The following STK3 variants were observed in gnomAD, a reference collection of about 807,000 sequenced individuals.
STK3 encodes serine/threonine-protein kinase 3.
In STK3, 41 loss-of-function variants were observed where a neutral mutation model predicts 58.0. The observed-to-expected ratio is 0.71, with a 90% CI of 0.55 to 0.92. The LOEUF (loss-of-function observed/expected upper bound fraction) is 0.92. Ranked by LOEUF, STK3 falls within the 40% of genes least tolerant of loss-of-function variation. STK3 has a pLI of 0.00. For synonymous variants in STK3, 170 were observed against 191.0 expected (o/e 0.89, Z 0.91); for missense variants, 479 against 602.7 (o/e 0.79, Z 2.15).
At chr8:98,639,908 C>T (rs535813041) in intron 6 of STK3, among the ~76,000 whole-genome samples, 36 of 152,180 alleles carry the variant, frequency 2.4e-4, no homozygotes, top group Non-Finnish European at 4.3e-4. Context: ...GTCAGGAGTT[C>T]AAGACTAGCC....
chr8:98,699,803 G>A (rs28812202), intron 6 of STK3, among the ~76,000 whole-genome samples: 39 of 151,678 alleles, frequency 2.6e-4, no homozygotes, highest in Middle Eastern at 3.4e-3. Flanking sequence ...AGGCTGCTCC[G>A]GGGTCAGGGG....
intron 4 of STK3, among the ~76,000 whole-genome samples, chr8:98,709,003 A>G (rs971063102): frequency 6.6e-6 from 1 of 151,914 alleles, no homozygotes; most frequent in Middle Eastern, 3.4e-3. Context: ...CTGACCCCTG[A>G]CTTACGGGAG....
chr8:98,564,304 G>A (rs1405299157), intron 8 of STK3, among the ~76,000 whole-genome samples: 1 of 152,076 alleles, frequency 6.6e-6, no homozygotes, highest in Non-Finnish European at 1.5e-5. Context: ...TCTGTGCCTG[G>A]CTTATATCAT....
chr8:98,716,100 C>A (rs1303519513), intron 4 of STK3, among the ~76,000 whole-genome samples: 1 of 151,882 alleles, frequency 6.6e-6, no homozygotes, highest in Admixed American at 6.6e-5. Context: ...CACATGGACA[C>A]AGGAAGGGGA....
intron 6 of STK3, among the ~76,000 whole-genome samples, chr8:98,662,603 T>G (rs1020704449): frequency 6.6e-6 from 1 of 152,158 alleles, no homozygotes; most frequent in Non-Finnish European, 1.5e-5. Flanking sequence ...GCAAATGTGT[T>G]ATGAAGGCTT....
the STK3 span, among the ~76,000 whole-genome samples, chr8:98,359,646 T>C: frequency 7.9e-5 from 12 of 152,196 alleles, no homozygotes; most frequent in Non-Finnish European, 1.5e-4. Flanking sequence ...TTTGCCTACC[T>C]CTGATCTTGA....
intron 6 of STK3, among the ~76,000 whole-genome samples, chr8:98,606,781 T>C (rs1332764226): frequency 6.6e-6 from 1 of 152,144 alleles, no homozygotes; most frequent in Admixed American, 6.6e-5. Flanking sequence ...ATCATATGGG[T>C]CTCTTCATTT....
intron 2 of STK3, among the ~76,000 whole-genome samples, chr8:98,378,404 G>A (rs187648989): frequency 2.0e-5 from 3 of 152,272 alleles, no homozygotes; most frequent in East Asian, 1.9e-4. Flanking sequence ...AATGTCATTC[G>A]GTGGTTAAGA....
At chr8:98,518,495 T>G (rs967615831) in intron 10 of STK3, among the ~76,000 whole-genome samples, 3 of 152,158 alleles carry the variant, frequency 2.0e-5, no homozygotes, top group Non-Finnish European at 4.4e-5. Context: ...AAATCTTTGT[T>G]GCTTTTACCG....
At chr8:98,378,866 C>T (rs1291710895) in intron 2 of STK3, among the ~76,000 whole-genome samples, 1 of 152,200 alleles carries the variant, frequency 6.6e-6, no homozygotes, top group Non-Finnish European at 1.5e-5. Context: ...ACCAGATGGG[C>T]TTTGGCCTCC....
At chr8:98,466,480 G>A (rs901864562) in intron 10 of STK3, among the ~76,000 whole-genome samples, 5 of 152,128 alleles carry the variant, frequency 3.3e-5, no homozygotes, top group African/African-American at 1.2e-4. Context: ...CTCTTATTAA[G>A]TGCAAATTTT....
At chr8:98,529,377 A>G (rs1029315656) in intron 9 of STK3, among the ~76,000 whole-genome samples, 1 of 152,080 alleles carries the variant, frequency 6.6e-6, no homozygotes, top group African/African-American at 2.4e-5. Flanking sequence ...GTTATTTGAC[A>G]GATTGGAAGC....
At chr8:98,881,629 G>A (rs1046621072), downstream of STK3, 1 of 152,130 alleles carries the variant, frequency 6.6e-6, no homozygotes, top group Non-Finnish European at 1.5e-5. Context: ...GGAGAAACAA[G>A]AAGAGATTTG....
rs533347321 is a variant in STK3, at chr8:98,708,864, T to C, written c.352-1553A>G. Among the ~76,000 whole-genome samples the C allele has an allele frequency of 1.1e-4, 16 of 152,010 alleles. No homozygotes were observed. In the South Asian group the frequency reaches 3.1e-3, roughly 30 times the overall value. ...AGGGGCTGTCTTTTGTCATTCATAA[T>C]AAGCTCCTTTCAACCATACCAGAAT... On this transcript the variant is annotated intron_variant, in intron 4 of 10. Coordinates refer to ENST00000419617, the MANE Select transcript of STK3 (RefSeq NM_006281.4).
intron 3 of STK3, chr8:98,427,852 G>T: frequency 1.4e-6 from 1 of 727,016 alleles, no homozygotes; most frequent in African/African-American, 1.8e-5. Flanking sequence ...CCACCAGGAG[G>T]CCTGGGCCCG....
chr8:98,874,758 CT>C (rs2131884032), intron 3 of STK3, among the ~76,000 whole-genome samples: 1 of 151,696 alleles, frequency 6.6e-6, no homozygotes, highest in East Asian at 1.9e-4. Flanking sequence ...TCCCCAGTAG[CT>C]GGGACTACAG....
At chr8:98,602,682 C>T (rs749516045) in intron 6 of STK3, among the ~76,000 whole-genome samples, 13 of 152,186 alleles carry the variant, frequency 8.5e-5, no homozygotes, top group Non-Finnish European at 1.6e-4. Flanking sequence ...TACTGATTTA[C>T]TTCAACTCCT....
downstream of STK3, chr8:98,882,727 T>C (rs990018578): frequency 1.3e-5 from 2 of 152,364 alleles, no homozygotes; most frequent in Non-Finnish European, 2.9e-5. Flanking sequence ...CCTCTTTTTT[T>C]ACTCACCAGG....
At chr8:98,701,320 T>G (rs754819404) in intron 6 of STK3, among the ~76,000 whole-genome samples, 1 of 152,184 alleles carries the variant, frequency 6.6e-6, no homozygotes, top group South Asian at 2.1e-4. Flanking sequence ...TATACATATA[T>G]ATACATACTT....
Sources: gnomAD v4.1 joint callset for allele counts (sites outside exome capture counted in the v4.1 genomes callset) on GRCh38, gnomAD v4.1.1 for gene constraint, MANE v1.5 for transcripts, NCBI Gene and HGNC (gene_info 2026-07-23, HGNC 2026-07-21) for gene names.